SH3GL3: variants seen among roughly 807,000 people sequenced by gnomAD.
SH3GL3 encodes endophilin-A3.
Under a neutral mutation model 47.7 loss-of-function variants are expected in SH3GL3, and 33 were observed. The ratio of observed to expected loss-of-function variants is 0.69; its 90% CI spans 0.52 to 0.92. The LOEUF (loss-of-function observed/expected upper bound fraction) is 0.92, where lower values mean the gene tolerates loss of function less well. Among genes scored for constraint, SH3GL3 ranks in the 40% least tolerant of loss-of-function variants. The probability of loss-of-function intolerance (pLI) is 0.00; values close to 1 mark genes in which losing one functional copy is unlikely to be tolerated. For synonymous variants in SH3GL3, 155 were observed against 148.8 expected (o/e 1.04, Z -0.30); for missense variants, 363 against 417.8 (o/e 0.87, Z 1.14).
chr15:83,582,686 G>T (rs2059861898), intron 6 of SH3GL3, among the ~76,000 whole-genome samples: 1 of 152,172 alleles, frequency 6.6e-6, no homozygotes, highest in Non-Finnish European at 1.5e-5. Flanking sequence ...GGAATAAGAT[G>T]CATTAGGAAG....
At chr15:83,508,862 C>T (rs557768107) in intron 1 of SH3GL3, among the ~76,000 whole-genome samples, 4 of 152,168 alleles carry the variant, frequency 2.6e-5, no homozygotes, top group East Asian at 1.9e-4. Context: ...CCAAAGGGCT[C>T]GGATTACAGG....
At position 83,492,855 on chromosome 15, in the gene SH3GL3, C is replaced by T. The variant is rs183441412; in HGVS notation, c.45+45277C>T. Among the ~76,000 whole-genome samples the T allele has an allele frequency of 2.6e-4, 39 of 152,332 alleles. 1 individual carries two copies. In the East Asian group the frequency reaches 3.5e-3, roughly 14 times the overall value. Reference sequence around the variant, plus strand: ...GTGGTCCTCCCACTGTCTCACTTTCCGGCTCCCCTACCAGTTTCACTGGGG... The same window carrying T: ...GTGGTCCTCCCACTGTCTCACTTTCTGGCTCCCCTACCAGTTTCACTGGGG... On this transcript the variant is annotated intron_variant, in intron 1 of 8. Coordinates refer to ENST00000427482, the MANE Select transcript of SH3GL3 (RefSeq NM_003027.5).
intron 6 of SH3GL3, among the ~76,000 whole-genome samples, chr15:83,586,692 A>G (rs945025364): frequency 2.6e-5 from 4 of 152,248 alleles, no homozygotes; most frequent in African/African-American, 9.6e-5. Flanking sequence ...GCTTTATAGC[A>G]TAGAAAATCT....
At chr15:83,612,294 G>A (rs2060689770) in intron 8 of SH3GL3, among the ~76,000 whole-genome samples, 1 of 152,212 alleles carries the variant, frequency 6.6e-6, no homozygotes, top group Non-Finnish European at 1.5e-5. Context: ...GGCAGGTAGG[G>A]AGGCTCACTT....
chr15:83,449,020 G>A (rs150934351), intron 1 of SH3GL3, among the ~76,000 whole-genome samples: 1 of 152,280 alleles, frequency 6.6e-6, no homozygotes, highest in African/African-American at 2.4e-5. Flanking sequence ...GGTGAGGCTG[G>A]TACTGGAGCT....
At chr15:83,488,738 C>T (rs1444624558) in intron 1 of SH3GL3, among the ~76,000 whole-genome samples, 1 of 152,254 alleles carries the variant, frequency 6.6e-6, no homozygotes, top group East Asian at 1.9e-4. Context: ...GCCTCTGCAG[C>T]CACTTTGGGT....
chr15:83,546,402 G>T (rs1290690701), intron 1 of SH3GL3, among the ~76,000 whole-genome samples: 2 of 150,040 alleles, frequency 1.3e-5, no homozygotes, highest in African/African-American at 4.9e-5. Context: ...AGTTCTGCCA[G>T]GTCTGGGTCT....
intron 1 of SH3GL3, among the ~76,000 whole-genome samples, chr15:83,476,133 A>C (rs962107558): frequency 2.6e-5 from 4 of 152,288 alleles, no homozygotes; most frequent in African/African-American, 9.6e-5. Flanking sequence ...AACTAGCAAA[A>C]AGTAGATTAA....
In SH3GL3 at chr15:83,568,596, A is replaced by G. The variant is rs751076877; in HGVS notation, c.255A>G (p.Gly85=). ...SKIRGQVKTT[G]YPQTEGLLGD... Reference sequence around the variant, plus strand: ...TCCGAGGGCAGGTGAAGACCACAGGATACCCGCAGACGGAAGGCTTGCTGG... The same window carrying G: ...TCCGAGGGCAGGTGAAGACCACAGGGTACCCGCAGACGGAAGGCTTGCTGG... The change falls in exon 4 of 9, where the codon GGA becomes GGG. Residue 85 remains glycine, a synonymous_variant. Coordinates refer to ENST00000427482, the MANE Select transcript of SH3GL3 (RefSeq NM_003027.5). 1.5e-5 allele frequency: 24 copies of G among 1,613,380 alleles called. No homozygotes were observed. In the South Asian group the frequency reaches 1.8e-4, roughly 12 times the overall value.
At chr15:83,503,334 C>T (rs1333856919) in intron 1 of SH3GL3, among the ~76,000 whole-genome samples, 1 of 152,098 alleles carries the variant, frequency 6.6e-6, no homozygotes, top group Non-Finnish European at 1.5e-5. Flanking sequence ...CTGCTTTTCT[C>T]ACTTAATATA....
chr15:83,460,144 A>T (rs951284834), intron 1 of SH3GL3, among the ~76,000 whole-genome samples: 1 of 143,480 alleles, frequency 7.0e-6, no homozygotes, highest in African/African-American at 2.7e-5. Context: ...TGTGTCACCC[A>T]GGCTGGAGTG....
At chr15:83,507,182 AT>A (rs1387957439) in intron 1 of SH3GL3, among the ~76,000 whole-genome samples, 1 of 150,520 alleles carries the variant, frequency 6.6e-6, no homozygotes, top group Non-Finnish European at 1.5e-5. Context: ...ATTTTTTTGT[AT>A]TTTTTTAGTA....
chr15:83,478,058 GAGATGGCATGGGTCCC>G (rs1383014448), intron 1 of SH3GL3, among the ~76,000 whole-genome samples: 1 of 152,138 alleles, frequency 6.6e-6, no homozygotes, highest in African/African-American at 2.4e-5. Context: ...GTGGGTGAGG[GAGATGGCATGGGTCCC>G]AGGGAATGAA....
chr15:83,581,783 TG>T (rs1319498200), intron 6 of SH3GL3, among the ~76,000 whole-genome samples: 1 of 152,204 alleles, frequency 6.6e-6, no homozygotes. Context: ...AATGGGAGAA[TG>T]AAGAAGAGTC....
At chr15:83,450,809 T>TC (rs1193585457) in intron 1 of SH3GL3, among the ~76,000 whole-genome samples, 1 of 140,592 alleles carries the variant, frequency 7.1e-6, no homozygotes, top group Admixed American at 7.1e-5. Flanking sequence ...TTTTAATTTT[T>TC]TTTTTTCTAT....
chr15:83,543,318 G>T (rs2044251515), intron 1 of SH3GL3, among the ~76,000 whole-genome samples: 1 of 152,048 alleles, frequency 6.6e-6, no homozygotes, highest in Non-Finnish European at 1.5e-5. Context: ...TTGCATTCCT[G>T]GGTTGAATCC....
chr15:83,589,550 TA>T (rs2060039671), intron 8 of SH3GL3, among the ~76,000 whole-genome samples: 1 of 151,924 alleles, frequency 6.6e-6, no homozygotes, highest in Admixed American at 6.6e-5. Flanking sequence ...CAAATTTTTT[TA>T]TTTTTTGTAG....
At chr15:83,586,584 G>A (rs1340314875) in intron 6 of SH3GL3, among the ~76,000 whole-genome samples, 1 of 152,190 alleles carries the variant, frequency 6.6e-6, no homozygotes, top group African/African-American at 2.4e-5. Context: ...GCTAGAAAGT[G>A]CGTGTTGAGA....
chr15:83,565,249 C>T lies in SH3GL3; in HGVS notation c.187+43C>T, dbSNP rs763528544. 2.3e-5 allele frequency: 24 copies of T among 1,038,992 alleles called. No individual in the cohort carries two copies. In the South Asian group the frequency reaches 2.9e-4, roughly 13 times the overall value. 64.4% of individuals were successfully genotyped at this position (1,038,992 alleles called of 1,614,324 possible). A position where few individuals can be genotyped will look rare whatever the true frequency, so the allele number is the denominator to read the frequency against. On this transcript the variant is annotated intron_variant, in intron 3 of 8. Coordinates refer to ENST00000427482, the MANE Select transcript of SH3GL3 (RefSeq NM_003027.5). ...TCTTGTTCATTTGCTGTCACAGACT[C>T]TAATAACCCATGTTTACTTGGTGTT...
Sources: gnomAD v4.1 joint callset for allele counts (sites outside exome capture counted in the v4.1 genomes callset) on GRCh38, gnomAD v4.1.1 for gene constraint, MANE v1.5 for transcripts, NCBI Gene and HGNC (gene_info 2026-07-23, HGNC 2026-07-21) for gene names.